The following MYH7B variants were observed in gnomAD, a reference collection of about 807,000 sequenced individuals.
MYH7B encodes the protein myosin-7B.
In MYH7B, 205 loss-of-function variants were observed where a neutral mutation model predicts 234.5. That is an observed-to-expected ratio of 0.87 (90% CI 0.78 to 0.98). The LOEUF (loss-of-function observed/expected upper bound fraction) is 0.98, where lower values mean the gene tolerates loss of function less well. Among genes scored for constraint, MYH7B ranks in the 50% least tolerant of loss-of-function variants. The pLI is 0.00. For synonymous variants in MYH7B, 1,193 were observed against 1,105.0 expected (o/e 1.08, Z -1.58); for missense variants, 2,652 against 2,633.4 (o/e 1.01, Z -0.15).
intron 2 of MYH7B, among the ~76,000 whole-genome samples, chr20:34,972,062 C>T (rs1031935377): frequency 6.6e-6 from 1 of 152,190 alleles, no homozygotes; most frequent in African/African-American, 2.4e-5. Flanking sequence ...CCGCTCTCAC[C>T]CGGGTGACAG....
At position 34,990,967 on chromosome 20, in the gene MYH7B, C is replaced by T. The variant is rs538519409; in HGVS notation, c.2066-37C>T. The stretch of plus-strand genomic sequence containing the variant: ...TTTTTCTCTGGGGCCTGCGGGTGTG[C>T]CTGTTGACCTCTGACCTTTTCCCCT... On this transcript the variant is annotated intron_variant, in intron 23 of 44. Coordinates refer to ENST00000262873, the Ensembl canonical transcript of MYH7B. 2.5e-5 allele frequency: 40 copies of T among 1,581,928 alleles called. No homozygotes were observed. The South Asian group carries it at 3.9e-4, about 16-fold the overall frequency.
intron 2 of MYH7B, among the ~76,000 whole-genome samples, chr20:34,967,013 G>A (rs1250059618): frequency 1.3e-5 from 2 of 151,714 alleles, no homozygotes; most frequent in African/African-American, 2.4e-5. Flanking sequence ...GGTGGATCAC[G>A]AGGTCAGGAG....
chr20:34,968,808 G>A (rs1344899072), intron 2 of MYH7B, among the ~76,000 whole-genome samples: 3 of 152,146 alleles, frequency 2.0e-5, no homozygotes, highest in South Asian at 4.1e-4. Context: ...TATGCACAGC[G>A]CACGTAGCGT....
chr20:34,969,562 T>G (rs866980493), intron 2 of MYH7B, among the ~76,000 whole-genome samples: 219 of 143,820 alleles, frequency 1.5e-3, no homozygotes, highest in African/African-American at 5.4e-3. Context: ...TTTTTTTTTT[T>G]GAGATGGAGT....
At chr20:34,995,411 G>T (rs201039299) in exon 28 of MYH7B, 1 of 1,614,010 alleles carries the variant, frequency 6.2e-7, no homozygotes, top group Non-Finnish European at 8.5e-7. Context: ...GGAGGGGAAG[G>T]TGAAGGAGCT....
intron 8 of MYH7B, 62 bp from the exon 9 acceptor site, chr20:34,980,971 G>A: frequency 6.2e-7 from 1 of 1,606,748 alleles, no homozygotes; most frequent in South Asian, 1.1e-5. Flanking sequence ...TACCCAGGGT[G>A]TTCCACCTGT....
intron 10 of MYH7B, among the ~76,000 whole-genome samples, chr20:34,983,179 C>T (rs73256403): frequency 0.021 from 3,165 of 152,258 alleles, 128 homozygotes; most frequent in African/African-American, 0.072. Context: ...CCCTCCCCAC[C>T]CAGTCCCTGC....
At chr20:34,985,610 C>T (rs1422843375) in intron 13 of MYH7B, among the ~76,000 whole-genome samples, 1 of 152,052 alleles carries the variant, frequency 6.6e-6, no homozygotes, top group Non-Finnish European at 1.5e-5. Flanking sequence ...ACCCCAGGCG[C>T]CTAGGCCACA....
At chr20:34,999,855 C>T in exon 38 of MYH7B, 1 of 1,612,686 alleles carries the variant, frequency 6.2e-7, no homozygotes, top group Non-Finnish European at 8.5e-7. Context: ...CAGGTCAAAG[C>T]AGAAGTGGAC....
At chr20:34,961,838 T>A (rs2081700597) in intron 2 of MYH7B, among the ~76,000 whole-genome samples, 1 of 152,250 alleles carries the variant, frequency 6.6e-6, no homozygotes, top group Non-Finnish European at 1.5e-5. Flanking sequence ...TATTCCTTCA[T>A]ATGGCTGAAT....
chr20:34,967,805 C>T (rs1419444497), intron 2 of MYH7B, among the ~76,000 whole-genome samples: 2 of 152,192 alleles, frequency 1.3e-5, no homozygotes, highest in East Asian at 3.9e-4. Flanking sequence ...GGAAACTGAC[C>T]AAGCCTGGGG....
exon 45 of MYH7B, chr20:35,002,255 C>CCGATCCTGCCATCT (rs2082407239): frequency 6.7e-7 from 1 of 1,485,790 alleles, no homozygotes; most frequent in African/African-American, 1.4e-5. Flanking sequence ...GCCACCTGCC[C>CCGATCCTGCCATCT]CGATCCTGCC....
At chr20:34,985,671 A>G (rs911693596) in intron 13 of MYH7B, among the ~76,000 whole-genome samples, 1 of 152,062 alleles carries the variant, frequency 6.6e-6, no homozygotes. Flanking sequence ...CACTCCCCAC[A>G]TTGGGCTGCA....
Position 34,994,984 on chromosome 20 carries a change from G to A in MYH7B, c.2701-352G>A, listed in dbSNP as rs2082225900. Among the ~76,000 whole-genome samples, 4 of 152,254 alleles carry A rather than the reference G, an allele frequency of 2.6e-5. 1 individual carries two copies. In the South Asian group the frequency reaches 8.3e-4, roughly 31 times the overall value. On this transcript the variant is annotated intron_variant, in intron 27 of 44. Coordinates refer to ENST00000262873, the Ensembl canonical transcript of MYH7B. ...GGATACCTGAGCCCTTCCAGGGACT[G>A]CCTCCAGGAGCCCGTCCGTGGCTGT...
chr20:34,968,050 T>C (rs368220648), intron 2 of MYH7B, among the ~76,000 whole-genome samples: 8 of 152,238 alleles, frequency 5.3e-5, no homozygotes, highest in African/African-American at 1.9e-4. Flanking sequence ...AATTGACATC[T>C]TCCCATGGGC....
At chr20:34,986,073 T>C (rs200591690) in intron 13 of MYH7B, 27 bp from the exon 14 acceptor site, 1 of 1,544,858 alleles carries the variant, frequency 6.5e-7, no homozygotes, top group South Asian at 1.2e-5. Context: ...GTGTGGGAGA[T>C]GGCAGGCCAG....
intron 2 of MYH7B, among the ~76,000 whole-genome samples, chr20:34,970,215 G>A (rs760816315): frequency 1.3e-5 from 2 of 152,176 alleles, no homozygotes; most frequent in Non-Finnish European, 2.9e-5. Flanking sequence ...CACTTACCAC[G>A]TACCAGGCTG....
intron 9 of MYH7B, 115 bp downstream of exon 9, chr20:34,981,175 C>T: frequency 7.7e-7 from 1 of 1,306,890 alleles, no homozygotes; most frequent in Non-Finnish European, 1.1e-6. Flanking sequence ...AGGACTTTTA[C>T]CACCTGGAGC....
In MYH7B at chr20:34,975,179, T is replaced by C. The variant is rs189621335; in HGVS notation, c.-221-221T>C. Among the ~76,000 whole-genome samples, 16 of 152,334 alleles carry C rather than the reference T, an allele frequency of 1.1e-4. No individual in the cohort carries two copies. The East Asian group carries it at 2.9e-3, about 28-fold the overall frequency. On this transcript the variant is annotated intron_variant, in intron 2 of 44. Transcript: ENST00000262873. ...GGGATGGCCCGAAGGGGATAATTTT[T>C]CATAATTTCTGTTTTTGTACAGGGT... is the stretch of plus-strand genomic sequence containing the variant.
Sources: gnomAD v4.1 joint callset for allele counts (sites outside exome capture counted in the v4.1 genomes callset) on GRCh38, gnomAD v4.1.1 for gene constraint, MANE v1.5 for transcripts, NCBI Gene and HGNC (gene_info 2026-07-23, HGNC 2026-07-21) for gene names.